The following EHMT1 variants were observed in gnomAD, a reference collection of about 807,000 sequenced individuals.
EHMT1 encodes histone-lysine N-methyltransferase EHMT1.
In EHMT1, 15 loss-of-function variants were observed where a neutral mutation model predicts 147.2. The ratio of observed to expected loss-of-function variants is 0.10; its 90% CI spans 0.07 to 0.16. The LOEUF (loss-of-function observed/expected upper bound fraction) is 0.16. EHMT1 is among the 10% of genes least tolerant of loss of function. The probability of loss-of-function intolerance (pLI) is 1.00; values close to 1 mark genes in which losing one functional copy is unlikely to be tolerated. For missense variants in EHMT1, 1,587 were observed against 1,772.4 expected, an observed-to-expected ratio of 0.90 and a Z score of 1.88; for synonymous variants, 795 against 709.6, an observed-to-expected ratio of 1.12 and a Z score of -1.91.
At chr9:137,673,662 C>T (rs1940929746) in intron 1 of EHMT1, among the ~76,000 whole-genome samples, 1 of 152,226 alleles carries the variant, frequency 6.6e-6, no homozygotes, top group African/African-American at 2.4e-5. Flanking sequence ...CTGGCACTGG[C>T]CCTGCCCTCA....
At chr9:137,690,458 G>A (rs895344946) in intron 1 of EHMT1, among the ~76,000 whole-genome samples, 3 of 146,724 alleles carry the variant, frequency 2.0e-5, no homozygotes, top group African/African-American at 7.6e-5. Flanking sequence ...GCAGTGAGCT[G>A]TGATTGCCTC....
intron 1 of EHMT1, among the ~76,000 whole-genome samples, chr9:137,703,825 T>C (rs1031005954): frequency 1.3e-5 from 2 of 152,172 alleles, no homozygotes; most frequent in South Asian, 2.1e-4. Context: ...GGTATCTTTA[T>C]AGCAATGCCC....
chr9:137,740,872 G>A (rs567508597), intron 4 of EHMT1, among the ~76,000 whole-genome samples: 1 of 151,936 alleles, frequency 6.6e-6, no homozygotes, highest in African/African-American at 2.4e-5. Flanking sequence ...GTGCGATCTC[G>A]GCTCACTGCA....
At chr9:137,717,313 T>A (rs1945429717) in intron 3 of EHMT1, 131 bp downstream of exon 3, 2 of 1,229,496 alleles carry the variant, frequency 1.6e-6, no homozygotes, top group Admixed American at 4.0e-5. Context: ...TATGAGGAGC[T>A]AGGAGAAGGC....
chr9:137,713,173 C>G (rs549401278), intron 2 of EHMT1, among the ~76,000 whole-genome samples: 1 of 151,976 alleles, frequency 6.6e-6, no homozygotes, highest in Non-Finnish European at 1.5e-5. Context: ...ATGGCTTACT[C>G]TAGCCTCCAT....
At chr9:137,667,939 T>C (rs1176232897) in intron 1 of EHMT1, among the ~76,000 whole-genome samples, 1 of 152,156 alleles carries the variant, frequency 6.6e-6, no homozygotes, top group African/African-American at 2.4e-5. Flanking sequence ...CAGGGTAAAT[T>C]ACCTTTTAGA....
intron 1 of EHMT1, among the ~76,000 whole-genome samples, chr9:137,670,434 C>T (rs1178800916): frequency 6.6e-6 from 1 of 152,134 alleles, no homozygotes; most frequent in African/African-American, 2.4e-5. Context: ...GCCTTGCTAT[C>T]CTGCCCCCTC....
rs537380405 is a variant in EHMT1 at position 137,664,354 on chromosome 9, T to G, written c.21+45305T>G. Among the ~76,000 whole-genome samples the G allele has an allele frequency of 3.2e-4, 48 of 151,770 alleles. 1 individual carries two copies. The highest frequency in any genetic ancestry group is 1.2e-3 in the African/African-American group (48 of 41,360). On this transcript the variant is annotated intron_variant, in intron 1 of 26. Transcript: ENST00000460843. Reference sequence around the variant, plus strand: ...TCGCTCAGGCTGGAGTGCAGTGGTGTGATCTCTGCTCACTGCAACCTCAGC... The same window carrying G: ...TCGCTCAGGCTGGAGTGCAGTGGTGGGATCTCTGCTCACTGCAACCTCAGC...
rs767776896 is a variant in EHMT1 at position 137,744,101 on chromosome 9, CT to C, written c.1170+12del. The C allele has an allele frequency of 2.5e-6, 4 of 1,613,818 alleles. No homozygotes were observed. Among genetic ancestry groups the C allele is most frequent in the South Asian group, 1.1e-5 (1 of 91,080 alleles). Reference sequence around the variant, plus strand: ...GATCGCGCCCAGAAGGTATGTGTTGCTGTCTTGGGTGACAGCACAAGGAAAG... The same window carrying C: ...GATCGCGCCCAGAAGGTATGTGTTGCGTCTTGGGTGACAGCACAAGGAAAG... On this transcript the variant is annotated intron_variant, in intron 6 of 26. Transcript: ENST00000460843.
At chr9:137,725,053 C>T (rs1946482802) in intron 3 of EHMT1, among the ~76,000 whole-genome samples, 1 of 140,438 alleles carries the variant, frequency 7.1e-6, no homozygotes, top group South Asian at 2.2e-4. Context: ...ATTCGTGGGG[C>T]AGGCGTGTGG....
chr9:137,727,524 C>T (rs1022511584), intron 3 of EHMT1, among the ~76,000 whole-genome samples: 5 of 152,152 alleles, frequency 3.3e-5, no homozygotes, highest in Admixed American at 6.5e-5. Context: ...TCAGTTCTCC[C>T]GGTACCATTT....
intron 4 of EHMT1, among the ~76,000 whole-genome samples, chr9:137,741,506 G>C (rs148795154): frequency 6.6e-6 from 1 of 152,190 alleles, no homozygotes; most frequent in Non-Finnish European, 1.5e-5. Context: ...GGGCATGGGT[G>C]TGCACCAATA....
intron 6 of EHMT1, among the ~76,000 whole-genome samples, chr9:137,751,513 A>G (rs1948966063): frequency 1.3e-5 from 2 of 152,162 alleles, no homozygotes; most frequent in South Asian, 2.1e-4. Flanking sequence ...TGCAGAGAAT[A>G]GTGGAATAGC....
At chr9:137,672,712 G>C (rs1010715160) in intron 1 of EHMT1, among the ~76,000 whole-genome samples, 9 of 152,210 alleles carry the variant, frequency 5.9e-5, no homozygotes, top group African/African-American at 1.7e-4. Context: ...TCACATTTTT[G>C]TGTCATATCC....
intron 1 of EHMT1, among the ~76,000 whole-genome samples, chr9:137,669,336 G>GCACTCACC (rs1564562348): frequency 0.68 from 14,934 of 21,894 alleles, 6,902 homozygotes; most frequent in South Asian, 0.88. Context: ...CACAGCACGT[G>GCACTCACC]GACCCCACAC....
chr9:137,714,499 C>T (rs1945023048), intron 2 of EHMT1, among the ~76,000 whole-genome samples: 1 of 150,858 alleles, frequency 6.6e-6, no homozygotes, highest in Non-Finnish European at 1.5e-5. Context: ...TGGTTTAATC[C>T]TCCTCACCAA....
chr9:137,811,563 G>A lies in EHMT1; in HGVS notation c.2815G>A (p.Gly939Arg). ...KCDLHAVNIH[G>R]DSPLHIAARE... ...CGACCTCCACGCCGTGAACATCCAC[G>A]GAGACTCGCCACTGCACATTGCCGC... Residue 939 changes from glycine to arginine, a missense_variant, in exon 19 of 27, where the codon GGA becomes AGA. This residue lies in a region of EHMT1 where 201 missense variants were observed against 350.1 expected (regional missense o/e 0.57). Coordinates refer to ENST00000460843, the MANE Select transcript of EHMT1 (RefSeq NM_024757.5). The A allele has an allele frequency of 3.7e-6, 6 of 1,607,766 alleles. No homozygotes were observed. Among genetic ancestry groups the A allele is most frequent in the Non-Finnish European group, 4.2e-6 (5 of 1,179,994 alleles).
intron 1 of EHMT1, among the ~76,000 whole-genome samples, chr9:137,636,896 C>A: frequency 8.3e-6 from 1 of 120,982 alleles, no homozygotes. Flanking sequence ...CAGTTTCACT[C>A]TTTTTTTTTT....
chr9:137,619,125 G>C (rs1329566217), intron 1 of EHMT1, 76 bp downstream of exon 1: 3 of 439,662 alleles, frequency 6.8e-6, no homozygotes, highest in Non-Finnish European at 9.0e-6. Flanking sequence ...CGAAGAACCG[G>C]GCGGGGCGGC....
Sources: allele counts gnomAD v4.1 joint callset (sites outside exome capture counted in the v4.1 genomes callset), GRCh38; gene constraint gnomAD v4.1.1; regional missense constraint gnomAD v4.1.1; transcripts MANE v1.5; gene names NCBI Gene and HGNC (gene_info 2026-07-23, HGNC 2026-07-21).